LMNB1: variants seen among roughly 807,000 people sequenced by gnomAD.
The protein encoded by LMNB1 is lamin-B1.
A neutral mutation model predicts 67.1 loss-of-function variants in LMNB1; 23 were observed. The ratio of observed to expected loss-of-function variants is 0.34; its 90% CI spans 0.25 to 0.49. The LOEUF (loss-of-function observed/expected upper bound fraction) is 0.49. Ranked by LOEUF, LMNB1 falls within the 20% of genes least tolerant of loss-of-function variation. The pLI is 0.99. For synonymous variants in LMNB1, 281 were observed against 282.9 expected, an observed-to-expected ratio of 0.99 and a Z score of 0.07; for missense variants, 634 against 746.5, an observed-to-expected ratio of 0.85 and a Z score of 1.76.
intron 5 of LMNB1, among the ~76,000 whole-genome samples, chr5:126,816,335 A>T (rs1163052008): frequency 1.3e-5 from 2 of 152,094 alleles, no homozygotes; most frequent in African/African-American, 2.4e-5. Context: ...TTAAAAATAT[A>T]TTTTTGTGTG....
Position 126,777,821 on chromosome 5 carries a change from A to T in LMNB1, c.313A>T (p.Ile105Phe). Residue 105 changes from isoleucine (I) to phenylalanine (F), a missense_variant, in exon 1 of 11, where the codon ATC (isoleucine) becomes TTC (phenylalanine). Transcript: ENST00000261366. ...GGCCCGCGAGCGCGCCAAGCTGCAG[A>T]TCGAGCTGGGCAAGTGCAAGGCGGA... ...DTARERAKLQ[I>F]ELGKCKAEHD... The T allele has an allele frequency of 3.4e-6, 5 of 1,484,362 alleles. No homozygotes were observed. The highest frequency in any genetic ancestry group is 4.5e-6 in the Non-Finnish European group (5 of 1,115,888). 91.9% of individuals were successfully genotyped at this position (1,484,362 alleles called of 1,614,324 possible).
At position 126,824,851 on chromosome 5, in the gene LMNB1, C is replaced by G. The variant is rs185704979; in HGVS notation, c.1492-1137C>G. On this transcript the variant is annotated intron_variant, in intron 8 of 10. Transcript: ENST00000261366. ...TTTTCCTGTTTCCACCCCACCCCCCCACCCTTTCTTTTTTTTGATAGAGAC... is the reference window on the plus strand; with the variant it reads ...TTTTCCTGTTTCCACCCCACCCCCCGACCCTTTCTTTTTTTTGATAGAGAC... 1.6e-4 allele frequency among the ~76,000 whole-genome samples: 21 copies of G among 134,948 alleles called. No homozygotes were observed. In the East Asian group the frequency reaches 3.2e-3, roughly 21 times the overall value. 88.5% of individuals were successfully genotyped at this position (134,948 alleles called of 152,430 possible). A position where few individuals can be genotyped will look rare whatever the true frequency, so the allele number is the denominator to read the frequency against.
intron 10 of LMNB1, 32 bp from the exon 11 acceptor site, chr5:126,836,191 G>C: frequency 6.5e-7 from 1 of 1,533,422 alleles, no homozygotes; most frequent in Non-Finnish European, 9.0e-7. Context: ...TATTTCTTTA[G>C]TATTAATTTT....
At chr5:126,790,741 G>A (rs1580529177) in intron 1 of LMNB1, among the ~76,000 whole-genome samples, 8 of 152,008 alleles carry the variant, frequency 5.3e-5, no homozygotes, top group Admixed American at 5.2e-4. Flanking sequence ...TTTGGGTATA[G>A]AATTCTAGGT....
intron 9 of LMNB1, among the ~76,000 whole-genome samples, chr5:126,827,264 A>G (rs1752019262): frequency 6.6e-6 from 1 of 152,218 alleles, no homozygotes; most frequent in Admixed American, 6.5e-5. Context: ...GCAGGAAAAA[A>G]GCCATACGTG....
At chr5:126,829,965 A>G (rs1223058937) in intron 9 of LMNB1, among the ~76,000 whole-genome samples, 1 of 152,224 alleles carries the variant, frequency 6.6e-6, no homozygotes, top group Non-Finnish European at 1.5e-5. Flanking sequence ...TATGAGGGAA[A>G]TAAAAAATAA....
At chr5:126,785,327 C>G (rs1277994622) in intron 1 of LMNB1, among the ~76,000 whole-genome samples, 2 of 128,868 alleles carry the variant, frequency 1.6e-5, no homozygotes, top group Non-Finnish European at 3.3e-5. Context: ...GAGTCTTGCT[C>G]TGTCGCCAGG....
intron 3 of LMNB1, among the ~76,000 whole-genome samples, chr5:126,808,479 A>G (rs551602840): frequency 6.6e-6 from 1 of 151,170 alleles, no homozygotes; most frequent in South Asian, 2.1e-4. Context: ...GTGAGCCACT[A>G]CGCTGGCCTT....
chr5:126,787,546 A>ATATATATATATATTTTTTTTTTTT, intron 1 of LMNB1, among the ~76,000 whole-genome samples: 5 of 65,580 alleles, frequency 7.6e-5, no homozygotes, highest in Non-Finnish European at 1.1e-4. Flanking sequence ...ATATATATAT[A>ATATATATATATATTTTTTTTTTTT]TTTTTTTTTT....
At chr5:126,820,873 T>A (rs1344666274) in intron 6 of LMNB1, 37 bp from the exon 7 acceptor site, 1 of 1,465,862 alleles carries the variant, frequency 6.8e-7, no homozygotes. Flanking sequence ...AGGGCATATG[T>A]GTTTTAAAAA....
intron 9 of LMNB1, among the ~76,000 whole-genome samples, chr5:126,831,720 T>G (rs1044333345): frequency 2.6e-4 from 39 of 152,240 alleles, no homozygotes; most frequent in Non-Finnish European, 5.1e-4. Flanking sequence ...TGCCAGGAGC[T>G]AAGATCTTTA....
Position 126,820,983 on chromosome 5 carries a change from A to G in LMNB1, c.1234A>G (p.Thr412Ala), listed in dbSNP as rs1347106136. The change falls in exon 7 of 11, where the codon ACT (threonine) becomes GCT (alanine). Residue 412 changes from threonine to alanine, a missense_variant. Transcript: ENST00000261366. ...RASSSRSVRTTRGKRKRVDVE... is the reference protein window; with the variant it reads ...RASSSRSVRTARGKRKRVDVE... ...ATCCTCAAGTCGTAGTGTACGTACA[A>G]CTAGAGGAAAGCGGAAGAGGGTTGA... The G allele has an allele frequency of 6.8e-6, 11 of 1,614,096 alleles. No homozygotes were observed. Among genetic ancestry groups the G allele is most frequent in the Non-Finnish European group, 9.3e-6 (11 of 1,179,964 alleles).
intron 1 of LMNB1, among the ~76,000 whole-genome samples, chr5:126,783,410 T>A (rs1580522811): frequency 6.6e-6 from 1 of 152,112 alleles, no homozygotes; most frequent in African/African-American, 2.4e-5. Flanking sequence ...ATAAGAGTTA[T>A]AAAACTAGTT....
chr5:126,819,234 A>G, intron 6 of LMNB1, 92 bp downstream of exon 6: 1 of 832,126 alleles, frequency 1.2e-6, no homozygotes, highest in Non-Finnish European at 1.9e-6. Context: ...TTTAAAAAGA[A>G]CTTTATTTTC....
At chr5:126,803,346 A>C (rs907434893) in intron 1 of LMNB1, among the ~76,000 whole-genome samples, 4 of 150,708 alleles carry the variant, frequency 2.7e-5, no homozygotes, top group African/African-American at 9.7e-5. Context: ...CCTGGGTTCA[A>C]GTGATTCTCC....
chr5:126,776,917 C>T (rs756690669), upstream of LMNB1: 2 of 152,380 alleles, frequency 1.3e-5, no homozygotes, highest in African/African-American at 2.4e-5. Flanking sequence ...CCGGGAGGGC[C>T]GAGCTGACGG....
chr5:126,811,754 G>C lies in LMNB1; in HGVS notation c.814-19G>C, dbSNP rs768634175. 1 of 1,596,630 alleles carries C rather than the reference G, an allele frequency of 6.3e-7. No homozygotes were observed. The highest frequency in any genetic ancestry group is 1.1e-5 in the South Asian group (1 of 90,176). On this transcript the variant is annotated intron_variant, in intron 4 of 10. Coordinates refer to ENST00000261366, the MANE Select transcript of LMNB1 (RefSeq NM_005573.4). ...TTCAGTTCTAGATAAGACTGACTAT[G>C]CTTTGCTTCTTCTTTTAGCTTGAGA...
intron 6 of LMNB1, 21 bp downstream of exon 6, chr5:126,819,163 C>T (rs749945374): frequency 4.4e-5 from 68 of 1,561,876 alleles, no homozygotes; most frequent in Non-Finnish European, 5.7e-5. Flanking sequence ...TAAGGGTCAC[C>T]CTACCTTATG....
rs377068966 is a variant in LMNB1, at chr5:126,800,258, T to G, written c.360-4518T>G. 1.3e-4 allele frequency among the ~76,000 whole-genome samples: 20 copies of G among 151,796 alleles called. No homozygotes were observed. In the East Asian group the frequency reaches 3.7e-3, roughly 28 times the overall value. ...TGGAATCTTAAATTTTAAAAAGATG[T>G]ATATACCATGCACCATATGAGAATG... On this transcript the variant is annotated intron_variant, in intron 1 of 10. Coordinates refer to ENST00000261366, the MANE Select transcript of LMNB1 (RefSeq NM_005573.4).
Sources: allele counts gnomAD v4.1 joint callset (sites outside exome capture counted in the v4.1 genomes callset), GRCh38; gene constraint gnomAD v4.1.1; transcripts MANE v1.5; gene names NCBI Gene and HGNC (gene_info 2026-07-23, HGNC 2026-07-21).